The following TSPEAR variants were observed in gnomAD, a reference collection of about 807,000 sequenced individuals.
The protein encoded by TSPEAR is thrombospondin-type laminin G domain and EAR repeat-containing protein.
TSPEAR carries 69 observed loss-of-function variants against 71.6 expected under a neutral mutation model. That is an observed-to-expected ratio of 0.96 (90% confidence interval 0.79 to 1.18). The LOEUF (loss-of-function observed/expected upper bound fraction) is 1.18, where lower values mean the gene tolerates loss of function less well. Ranked by LOEUF, TSPEAR falls within the 50% of genes most tolerant of loss-of-function variation. The probability of loss-of-function intolerance (pLI) is 0.00; values close to 1 mark genes in which losing one functional copy is unlikely to be tolerated. For synonymous variants in TSPEAR, 402 were observed against 387.2 expected, an observed-to-expected ratio of 1.04 and a Z score of -0.45; for missense variants, 971 against 894.9, an observed-to-expected ratio of 1.09 and a Z score of -1.09.
At chr21:44,677,615 T>A (rs1276390824) in intron 1 of TSPEAR, 1 of 1,122,958 alleles carries the variant, frequency 8.9e-7, no homozygotes, top group Non-Finnish European at 1.3e-6. Flanking sequence ...GGTGATCAGT[T>A]TTTAAAGATT....
At chr21:44,515,161 CAAATT>C (rs587681571) in intron 9 of TSPEAR, among the ~76,000 whole-genome samples, 129 of 152,332 alleles carry the variant, frequency 8.5e-4, no homozygotes, top group African/African-American at 2.8e-3. Flanking sequence ...AAACAGTAAA[CAAATT>C]AAGACATCTC....
Position 44,529,924 on chromosome 21 carries a change from C to A in TSPEAR, c.664G>T (p.Gly222Cys), listed in dbSNP as rs1329340778. The A allele has an allele frequency of 6.2e-7, 1 of 1,608,374 alleles. No individual in the cohort carries two copies. Among genetic ancestry groups the A allele is most frequent in the Non-Finnish European group, 8.5e-7 (1 of 1,178,774 alleles). The change falls in exon 5 of 12, where the codon GGC becomes TGC. Residue 222 changes from glycine (G) to cysteine (C), a missense_variant. Coordinates refer to ENST00000323084, the MANE Select transcript of TSPEAR (RefSeq NM_144991.3). ...CACAGCCTTGGGGTGGCGTCTGAGCCCGGCAGCAGGACCAGTTGCCTCACC... is the reference window on the plus strand; with the variant it reads ...CACAGCCTTGGGGTGGCGTCTGAGCACGGCAGCAGGACCAGTTGCCTCACC... ...GLVRQLVLLP[G>C]SDATPRLCPS...
intron 9 of TSPEAR, among the ~76,000 whole-genome samples, chr21:44,521,487 G>T (rs1976474): frequency 6.6e-6 from 1 of 152,178 alleles, no homozygotes; most frequent in Admixed American, 6.5e-5. Context: ...CTGCCCAGCT[G>T]CCCCAGGGCC....
At chr21:44,558,415 C>A (rs782063518) in intron 2 of TSPEAR, 3 of 1,613,812 alleles carry the variant, frequency 1.9e-6, no homozygotes, top group Non-Finnish European at 2.5e-6. Flanking sequence ...CAGACAGGCA[C>A]GCAGCAGGCC....
intron 1 of TSPEAR, among the ~76,000 whole-genome samples, chr21:44,694,458 C>T (rs563656779): frequency 3.3e-5 from 5 of 152,130 alleles, no homozygotes; most frequent in African/African-American, 9.6e-5. Flanking sequence ...AGTTTCAGTT[C>T]GGGAAGAAGA....
rs587598870 is a variant in TSPEAR at position 44,519,008 on chromosome 21, G to A, written c.1566+2875C>T. 11 of 185,182 alleles carry A rather than the reference G, an allele frequency of 5.9e-5. No homozygotes were observed. In the South Asian group the frequency reaches 8.0e-4, roughly 13 times the overall value. 11.5% of individuals were successfully genotyped at this position (185,182 alleles called of 1,614,324 possible). On this transcript the variant is annotated intron_variant, in intron 9 of 11. Coordinates refer to ENST00000323084, the MANE Select transcript of TSPEAR (RefSeq NM_144991.3). ...CCAAGCCACCCTTTCGTTGCTGCTC[G>A]ATGTCACCATTTGCTTTTGTTGTTT...
rs587642482 is a variant in TSPEAR at position 44,583,728 on chromosome 21, C to T, written c.83-15723G>A. On this transcript the variant is annotated intron_variant, in intron 1 of 11. Coordinates refer to ENST00000323084, the MANE Select transcript of TSPEAR (RefSeq NM_144991.3). ...TGGCTCATTATCCCTTTTTCCCCAG[C>T]TTTATTGAGATGTAATTGACAAATA... 3.9e-5 allele frequency among the ~76,000 whole-genome samples: 6 copies of T among 152,234 alleles called. No homozygotes were observed. The East Asian group carries it at 1.2e-3, about 29-fold the overall frequency.
intron 9 of TSPEAR, among the ~76,000 whole-genome samples, chr21:44,509,662 G>A (rs1452118521): frequency 6.6e-6 from 1 of 152,164 alleles, no homozygotes; most frequent in Non-Finnish European, 1.5e-5. Context: ...TCTTGGCACA[G>A]CCCAGTGCCC....
intron 1 of TSPEAR, among the ~76,000 whole-genome samples, chr21:44,615,999 G>A (rs1364638015): frequency 6.6e-6 from 1 of 152,208 alleles, no homozygotes. Flanking sequence ...GAGCAACAGG[G>A]TGTCCCCACA....
chr21:44,641,798 G>T (rs782475971), intron 1 of TSPEAR, among the ~76,000 whole-genome samples: 2 of 152,182 alleles, frequency 1.3e-5, no homozygotes, highest in Non-Finnish European at 2.9e-5. Context: ...CCTCTACCAA[G>T]GTGGAGGGAA....
At chr21:44,538,688 G>A (rs2053140978) in intron 2 of TSPEAR, among the ~76,000 whole-genome samples, 1 of 152,168 alleles carries the variant, frequency 6.6e-6, no homozygotes, top group Non-Finnish European at 1.5e-5. Context: ...TGCAGTGTGG[G>A]CTCTCCCAGG....
chr21:44,655,277 G>A (rs1985077396), intron 1 of TSPEAR, among the ~76,000 whole-genome samples: 1 of 152,188 alleles, frequency 6.6e-6, no homozygotes, highest in Admixed American at 6.5e-5. Flanking sequence ...GGACTGCTTA[G>A]TTTCACTCTG....
chr21:44,610,872 G>A (rs1981620821), intron 1 of TSPEAR, among the ~76,000 whole-genome samples: 1 of 152,200 alleles, frequency 6.6e-6, no homozygotes, highest in Non-Finnish European at 1.5e-5. Flanking sequence ...AGTCAAACGA[G>A]ATCATTTTGG....
Position 44,642,130 on chromosome 21 carries a change from T to G in TSPEAR, c.82+69303A>C, listed in dbSNP as rs2146229747. 6.6e-6 allele frequency among the ~76,000 whole-genome samples: 1 copy of G among 152,344 alleles called. No homozygotes were observed. The highest frequency in any genetic ancestry group is 1.5e-5 in the Non-Finnish European group (1 of 68,026). On this transcript the variant is annotated intron_variant, in intron 1 of 11. Coordinates refer to ENST00000323084, the MANE Select transcript of TSPEAR (RefSeq NM_144991.3). The surrounding 1 kb of genome is among the most constrained non-coding windows in gnomAD (Gnocchi z 4.1). ...GTATGGGTATATTTATCCTAAAATT[T>G]GGAAATATAAATTAAATGTACTGTG...
chr21:44,654,574 C>A, intron 1 of TSPEAR: 3 of 1,603,592 alleles, frequency 1.9e-6, no homozygotes, highest in Non-Finnish European at 1.7e-6. Flanking sequence ...GGAGCCAGGG[C>A]AGGCCATTGG....
chr21:44,575,812 T>C (rs1421784347), intron 1 of TSPEAR, among the ~76,000 whole-genome samples: 1 of 152,166 alleles, frequency 6.6e-6, no homozygotes. Flanking sequence ...AGACAGGCGA[T>C]TGGAATTGGG....
intron 1 of TSPEAR, among the ~76,000 whole-genome samples, chr21:44,636,395 G>A (rs1983569432): frequency 1.3e-5 from 2 of 152,186 alleles, no homozygotes; most frequent in Non-Finnish European, 2.9e-5. Context: ...AGGGGTACAG[G>A]TAGGGGGTGC....
rs71199612 is a variant in TSPEAR at position 44,572,834 on chromosome 21, G to GACAC, written c.83-4833_83-4830dup. On this transcript the variant is annotated intron_variant, in intron 1 of 11. Transcript: ENST00000323084. Reference sequence around the variant, plus strand: ...TATCCTTATAAAAAGGGGAGATTTGGACACACACACACACACACACACACA... The same window carrying GACAC: ...TATCCTTATAAAAAGGGGAGATTTGGACACACACACACACACACACACACACACA... Among the ~76,000 whole-genome samples, 781 of 124,868 alleles carry GACAC rather than the reference G, an allele frequency of 6.3e-3. 4 individuals are homozygous for GACAC. Among genetic ancestry groups the GACAC allele is most frequent in the East Asian group, 0.014 (57 of 4,126 alleles). The allele number at this position is 124,868 out of a possible 152,430, so 81.9% of individuals were successfully genotyped here. A position where few individuals can be genotyped will look rare whatever the true frequency, so the allele number is the denominator to read the frequency against.
At chr21:44,702,601 C>A in intron 1 of TSPEAR, 3 of 1,606,236 alleles carry the variant, frequency 1.9e-6, no homozygotes, top group African/African-American at 1.3e-5. Flanking sequence ...CTGCTGCAGA[C>A]CCTCCTCCTC....
Sources: allele counts gnomAD v4.1 joint callset (sites outside exome capture counted in the v4.1 genomes callset), GRCh38; gene constraint gnomAD v4.1.1; non-coding constraint Gnocchi (gnomAD v3.1); transcripts MANE v1.5; gene names NCBI Gene and HGNC (gene_info 2026-07-23, HGNC 2026-07-21).